RBFOX1: variants seen among roughly 807,000 people sequenced by gnomAD.
The protein encoded by RBFOX1 is RNA binding protein fox-1 homolog 1.
RBFOX1 carries 8 observed loss-of-function variants against 57.7 expected under a neutral mutation model. That is an observed-to-expected ratio of 0.14 (90% CI 0.08 to 0.25). RBFOX1 has a LOEUF of 0.25. Among genes scored for constraint, RBFOX1 ranks in the 10% least tolerant of loss-of-function variants. RBFOX1 has a pLI of 1.00. For missense variants in RBFOX1, 611 were observed against 548.5 expected, an observed-to-expected ratio of 1.11 and a Z score of -1.14; for synonymous variants, 326 against 222.4, an observed-to-expected ratio of 1.47 and a Z score of -4.15.
In RBFOX1 at chr16:7,014,902, T is replaced by C. The variant is rs530686100; in HGVS notation, c.-15-37155T>C. Among the ~76,000 whole-genome samples the C allele has an allele frequency of 2.7e-4, 41 of 152,204 alleles. 1 individual carries two copies. The highest frequency in any genetic ancestry group is 7.2e-4 in the African/African-American group (30 of 41,536). On this transcript the variant is annotated intron_variant, in intron 3 of 15. Coordinates refer to ENST00000550418, the MANE Select transcript of RBFOX1 (RefSeq NM_018723.4). Reference sequence around the variant, plus strand: ...ACCACACCCGGCTAATTTTTTTGTATTTTTACTAGAGGCACTTTTGAACAT... The same window carrying C: ...ACCACACCCGGCTAATTTTTTTGTACTTTTACTAGAGGCACTTTTGAACAT...
intron 3 of RBFOX1, among the ~76,000 whole-genome samples, chr16:5,732,040 A>C (rs2052392830): frequency 6.6e-6 from 1 of 152,208 alleles, no homozygotes; most frequent in Non-Finnish European, 1.5e-5. Flanking sequence ...GCAGCCACGC[A>C]CAGGGTAACA....
At chr16:7,102,952 A>C (rs2062941418) in intron 4 of RBFOX1, among the ~76,000 whole-genome samples, 2 of 152,086 alleles carry the variant, frequency 1.3e-5, no homozygotes, top group South Asian at 2.1e-4. Flanking sequence ...TAAATGATAA[A>C]ATTGTGAGCT....
At chr16:5,325,528 C>T (rs944008436) in intron 1 of RBFOX1, among the ~76,000 whole-genome samples, 9 of 152,134 alleles carry the variant, frequency 5.9e-5, no homozygotes, top group African/African-American at 1.9e-4. Context: ...ATATCTATCA[C>T]TATAGTCAGG....
At chr16:5,741,050 T>C (rs114253919) in intron 3 of RBFOX1, among the ~76,000 whole-genome samples, 1 of 152,154 alleles carries the variant, frequency 6.6e-6, no homozygotes, top group Non-Finnish European at 1.5e-5. Flanking sequence ...CACCTCTGTT[T>C]TGTAGATGGG....
chr16:6,083,686 A>G (rs1300453998), intron 1 of RBFOX1, among the ~76,000 whole-genome samples: 1 of 152,164 alleles, frequency 6.6e-6, no homozygotes, highest in East Asian at 1.9e-4. Context: ...TGTGTTGCCC[A>G]GGCTGGACTC....
At chr16:7,121,023 T>A (rs1810505305) in intron 4 of RBFOX1, among the ~76,000 whole-genome samples, 1 of 151,892 alleles carries the variant, frequency 6.6e-6, no homozygotes, top group African/African-American at 2.4e-5. Flanking sequence ...CATGACCCTG[T>A]AAAATAGTCC....
intron 1 of RBFOX1, among the ~76,000 whole-genome samples, chr16:5,356,055 C>G (rs150106847): frequency 6.6e-6 from 1 of 152,198 alleles, no homozygotes. Context: ...CACACCACTG[C>G]ACTCCACCCT....
intron 4 of RBFOX1, among the ~76,000 whole-genome samples, chr16:5,888,690 C>G (rs1176255870): frequency 6.6e-6 from 1 of 150,596 alleles, no homozygotes; most frequent in African/African-American, 2.4e-5. Context: ...AGCTACTCAA[C>G]AAGGCTGAGG....
chr16:5,709,719 A>G (rs2051381630), intron 3 of RBFOX1, among the ~76,000 whole-genome samples: 2 of 144,356 alleles, frequency 1.4e-5, no homozygotes, highest in South Asian at 2.2e-4. Context: ...TCTATGGTAT[A>G]TATATATAAA....
intron 2 of RBFOX1, among the ~76,000 whole-genome samples, chr16:6,597,751 G>A (rs180991040): frequency 3.3e-5 from 5 of 152,254 alleles, no homozygotes; most frequent in Non-Finnish European, 1.5e-5. Context: ...AGGAAAGGTA[G>A]CCAGGATTTT....
At chr16:6,667,999 T>C (rs1202055316) in intron 3 of RBFOX1, among the ~76,000 whole-genome samples, 1 of 152,194 alleles carries the variant, frequency 6.6e-6, no homozygotes, top group Non-Finnish European at 1.5e-5. Context: ...AGATTCCTAG[T>C]GAGATCAGAG....
At chr16:7,199,252 C>A (rs1004466314) in intron 4 of RBFOX1, among the ~76,000 whole-genome samples, 1 of 152,142 alleles carries the variant, frequency 6.6e-6, no homozygotes, top group Non-Finnish European at 1.5e-5. Flanking sequence ...GACAAGATTT[C>A]CTTCAGTGTG....
intron 3 of RBFOX1, among the ~76,000 whole-genome samples, chr16:6,725,112 G>T (rs998643122): frequency 7.2e-6 from 1 of 139,240 alleles, no homozygotes; most frequent in African/African-American, 2.7e-5. Context: ...GTGCAGTGGT[G>T]CGATCTCGGC....
At chr16:7,623,256 G>C (rs557487012) in intron 10 of RBFOX1, among the ~76,000 whole-genome samples, 1 of 152,212 alleles carries the variant, frequency 6.6e-6, no homozygotes, top group African/African-American at 2.4e-5. Flanking sequence ...CCACGGGTCG[G>C]GTAGCAGGGA....
At chr16:7,060,491 T>C (rs967266885) in intron 4 of RBFOX1, among the ~76,000 whole-genome samples, 1 of 152,234 alleles carries the variant, frequency 6.6e-6, no homozygotes, top group Non-Finnish European at 1.5e-5. Context: ...AGTGATTTCT[T>C]GCTTTAAAGG....
intron 3 of RBFOX1, among the ~76,000 whole-genome samples, chr16:6,787,787 C>G (rs989213875): frequency 2.6e-5 from 4 of 152,186 alleles, no homozygotes; most frequent in African/African-American, 9.7e-5. Flanking sequence ...AGGACTTAGT[C>G]TTCCTCCATA....
intron 5 of RBFOX1, among the ~76,000 whole-genome samples, chr16:7,549,786 G>A (rs377012190): frequency 5.9e-5 from 9 of 152,194 alleles, no homozygotes; most frequent in South Asian, 2.1e-4. Context: ...CAGATTGTAC[G>A]TGGGTCTGCC....
intron 3 of RBFOX1, among the ~76,000 whole-genome samples, chr16:5,663,956 C>G (rs1415874965): frequency 2.0e-5 from 3 of 152,142 alleles, no homozygotes; most frequent in Non-Finnish European, 4.4e-5. Context: ...CAAGCCAGCA[C>G]TCGAGATATT....
chr16:7,047,240 C>A (rs1489819503), intron 3 of RBFOX1, among the ~76,000 whole-genome samples: 1 of 152,106 alleles, frequency 6.6e-6, no homozygotes, highest in East Asian at 1.9e-4. Context: ...TAGGGCAGGT[C>A]TGTCTGCAGT....
Sources: allele counts gnomAD v4.1 joint callset (sites outside exome capture counted in the v4.1 genomes callset), GRCh38; gene constraint gnomAD v4.1.1; transcripts MANE v1.5; gene names NCBI Gene and HGNC (gene_info 2026-07-23, HGNC 2026-07-21).